HABP4: variants seen among roughly 807,000 people sequenced by gnomAD.
HABP4 encodes the protein intracellular hyaluronan-binding protein 4.
A neutral mutation model predicts 44.1 loss-of-function variants in HABP4; 32 were observed. That is an observed-to-expected ratio of 0.73 (90% CI 0.55 to 0.97). The LOEUF is 0.97. Among genes scored for constraint, HABP4 ranks in the 50% least tolerant of loss-of-function variants. HABP4 has a pLI of 0.00. For missense variants in HABP4, 503 were observed against 561.9 expected (o/e 0.90, Z 1.06); for synonymous variants, 216 against 218.0 (o/e 0.99, Z 0.08).
chr9:96,456,780 A>AAAAAAAAAT (rs1554724388), intron 1 of HABP4, among the ~76,000 whole-genome samples: 3 of 44,772 alleles, frequency 6.7e-5, no homozygotes, highest in African/African-American at 2.7e-4. Context: ...AAAAAAAAAA[A>AAAAAAAAAT]ATATATATAT....
chr9:96,453,887 A>G (rs1832329216), intron 1 of HABP4, among the ~76,000 whole-genome samples: 1 of 152,160 alleles, frequency 6.6e-6, no homozygotes, highest in Non-Finnish European at 1.5e-5. Flanking sequence ...TGTGGGGAAA[A>G]AATTGGATGC....
At chr9:96,462,129 T>C (rs1282914252) in intron 2 of HABP4, among the ~76,000 whole-genome samples, 3 of 130,660 alleles carry the variant, frequency 2.3e-5, no homozygotes, top group Non-Finnish European at 4.8e-5. Flanking sequence ...CTGTGTGACA[T>C]AGTGAGATTC....
intron 4 of HABP4, among the ~76,000 whole-genome samples, chr9:96,469,419 T>C (rs1236077775): frequency 6.6e-6 from 1 of 152,232 alleles, no homozygotes; most frequent in Admixed American, 6.5e-5. Flanking sequence ...CATCATTTTA[T>C]GGAACATATG....
Position 96,471,042 on chromosome 9 carries a change from C to T in HABP4, c.775C>T (p.Pro259Ser), listed in dbSNP as rs755718076. The change falls in exon 5 of 8, where the codon CCC becomes TCC. Residue 259 changes from proline to serine, a missense_variant. This residue lies in a region of HABP4 where 131 missense variants were observed against 189.8 expected (regional missense o/e 0.69). Transcript: ENST00000375249. ...DVEPTAPMEE[P>S]TVVEESQGTP... ...GGAGCCAACTGCACCGATGGAGGAA[C>T]CCACAGTGGTGGAGGAGTCCCAGGG... is the stretch of plus-strand genomic sequence containing the variant. 9.9e-6 allele frequency: 16 copies of T among 1,608,794 alleles called. 1 individual carries two copies. The highest frequency in any genetic ancestry group is 1.6e-4 in the Middle Eastern group (1 of 6,074).
chr9:96,464,954 T>C (rs1467837246), intron 2 of HABP4, among the ~76,000 whole-genome samples: 2 of 152,192 alleles, frequency 1.3e-5, no homozygotes, highest in African/African-American at 4.8e-5. Context: ...TTTATCAACA[T>C]TCTCATTTTT....
In HABP4 at chr9:96,488,961, GC is replaced by G. The variant is rs1483497227; in HGVS notation, c.1185+688del. 6.6e-6 allele frequency among the ~76,000 whole-genome samples: 1 copy of G among 152,190 alleles called. No homozygotes were observed. Among genetic ancestry groups the G allele is most frequent in the East Asian group, 1.9e-4 (1 of 5,164 alleles). ...CTGCTTTTGCTCATTACCGGTTTAC[GC>G]AGTGCCACGCAGTGCCTGGCATGTA... is the stretch of plus-strand genomic sequence containing the variant. On this transcript the variant is annotated intron_variant, in intron 7 of 7. Transcript: ENST00000375249. The surrounding 1 kb of genome is among the most constrained non-coding windows in gnomAD (Gnocchi z 4.6).
intron 1 of HABP4, 103 bp from the exon 2 acceptor site, chr9:96,458,276 G>C (rs1275149385): frequency 1.7e-6 from 2 of 1,200,556 alleles, no homozygotes; most frequent in African/African-American, 3.0e-5. Context: ...CTCCTATGAC[G>C]TTGATTTCTA....
intron 5 of HABP4, among the ~76,000 whole-genome samples, chr9:96,480,657 C>G (rs767654708): frequency 3.6e-4 from 55 of 152,324 alleles, no homozygotes; most frequent in South Asian, 6.2e-4. Flanking sequence ...CATCTGTACA[C>G]TTCCCCCTAA....
At chr9:96,474,517 C>G (rs1438769653) in intron 5 of HABP4, among the ~76,000 whole-genome samples, 1 of 152,052 alleles carries the variant, frequency 6.6e-6, no homozygotes, top group Non-Finnish European at 1.5e-5. Context: ...CTGCAGTATC[C>G]CAGGAGAGCT....
chr9:96,479,895 G>T (rs779867724), intron 5 of HABP4, among the ~76,000 whole-genome samples: 6 of 152,182 alleles, frequency 3.9e-5, no homozygotes, highest in Non-Finnish European at 7.3e-5. Context: ...GCCGGGTGCG[G>T]TGGCTCATGC....
chr9:96,487,573 T>C lies in HABP4; in HGVS notation c.1000-516T>C, dbSNP rs57038350. 1.9e-3 allele frequency among the ~76,000 whole-genome samples: 294 copies of C among 152,326 alleles called. 1 individual carries two copies. Among genetic ancestry groups the C allele is most frequent in the African/African-American group, 6.7e-3 (277 of 41,570 alleles). Reference sequence around the variant, plus strand: ...ATCATGTGATTTTTAGCACATGGTATTATAATCAGCACCCATGCTGAAAGG... The same window carrying C: ...ATCATGTGATTTTTAGCACATGGTACTATAATCAGCACCCATGCTGAAAGG... On this transcript the variant is annotated intron_variant, in intron 6 of 7. Coordinates refer to ENST00000375249, the MANE Select transcript of HABP4 (RefSeq NM_014282.4).
Position 96,488,231 on chromosome 9 carries a change from G to C in HABP4, c.1142G>C (p.Arg381Thr). The part of the protein sequence containing the change: ...ARGGTRGGRG[R>T]IRRAENYGPR... ...GGAGGCACCCGGGGAGGCCGGGGAA[G>C]GATCAGGAGGGCAGAGAACTATGGA... The change falls in exon 7 of 8, where the codon AGG (arginine) becomes ACG (threonine). Residue 381 changes from arginine to threonine, a missense_variant. Physicochemically the swap from Arg to Thr is moderately conservative, Grantham distance 71. This residue lies in a region of HABP4 where 82 missense variants were observed against 71.6 expected (regional missense o/e 1.15). Transcript: ENST00000375249. The surrounding 1 kb of genome is among the most constrained non-coding windows in gnomAD (Gnocchi z 4.6). The C allele has an allele frequency of 2.5e-6, 4 of 1,613,878 alleles. No homozygotes were observed. The highest frequency in any genetic ancestry group is 3.4e-6 in the Non-Finnish European group (4 of 1,179,836).
At chr9:96,479,356 T>TA (rs1212128882) in intron 5 of HABP4, among the ~76,000 whole-genome samples, 3 of 137,212 alleles carry the variant, frequency 2.2e-5, no homozygotes, top group African/African-American at 3.3e-5. Flanking sequence ...TCATTTGAAA[T>TA]AGTTCTCTTG....
chr9:96,490,201 C>CCAGAG lies in HABP4; in HGVS notation c.*164_*168dup. Reference sequence around the variant, plus strand: ...GGGCTGAGCTGTTAGAGGGGCTTCTCCAGAGGCTCGAGAGCAGGCCATTTC... The same window carrying CCAGAG: ...GGGCTGAGCTGTTAGAGGGGCTTCTCCAGAGCAGAGGCTCGAGAGCAGGCCATTTC... On this transcript the variant is annotated 3_prime_UTR_variant, in exon 8 of 8. Coordinates refer to ENST00000375249, the MANE Select transcript of HABP4 (RefSeq NM_014282.4). The CCAGAG allele has an allele frequency of 1.6e-6, 1 of 610,416 alleles. No individual in the cohort carries two copies. Among genetic ancestry groups the CCAGAG allele is most frequent in the Non-Finnish European group, 2.9e-6 (1 of 339,442 alleles). The allele number at this position is 610,416 out of a possible 1,614,324, so 37.8% of individuals were successfully genotyped here.
At chr9:96,469,608 C>T (rs1020360350) in intron 4 of HABP4, among the ~76,000 whole-genome samples, 19 of 151,952 alleles carry the variant, frequency 1.3e-4, no homozygotes, top group Admixed American at 5.2e-4. Context: ...CTGCAACCTC[C>T]GCCTCCCGGG....
At position 96,465,478 on chromosome 9, in the gene HABP4, A is replaced by T. The variant is rs1190484299; in HGVS notation, c.654A>T (p.Arg218Ser). Residue 218 changes from arginine (R) to serine (S), a missense_variant, in exon 3 of 8, where the codon AGA becomes AGT. Around this residue, in one of 3 missense-constraint regions of HABP4, gnomAD observed 131 missense variants for 189.8 expected, o/e 0.69. Transcript: ENST00000375249. ...FDQRGKREFE[R>S]YGGNDKIAVR... ...AGAGAGGAAAGCGAGAATTTGAAAG[A>T]TATGGTGGGAATGACAAAATGTAAG... The T allele has an allele frequency of 6.2e-7, 1 of 1,611,608 alleles. No individual in the cohort carries two copies. The highest frequency in any genetic ancestry group is 1.3e-5 in the African/African-American group (1 of 74,898).
At chr9:96,484,274 C>CA in intron 5 of HABP4, 188 bp from the exon 6 acceptor site, 1 of 511,958 alleles carries the variant, frequency 2.0e-6, no homozygotes, top group Non-Finnish European at 3.4e-6. Flanking sequence ...CTTCTGTTGG[C>CA]AGTGATGACA....
rs1277639201 is a variant in HABP4, at chr9:96,450,431, A to C, written c.152A>C (p.Gln51Pro). The C allele has an allele frequency of 8.9e-6, 12 of 1,348,716 alleles. No homozygotes were observed. The highest frequency in any genetic ancestry group is 1.1e-5 in the Non-Finnish European group (11 of 1,033,436). 83.5% of individuals were successfully genotyped at this position (1,348,716 alleles called of 1,614,324 possible). A position where few individuals can be genotyped will look rare whatever the true frequency, so the allele number is the denominator to read the frequency against. Residue 51 changes from glutamine to proline, a missense_variant, in exon 1 of 8, where the codon CAG becomes CCG. By Grantham distance (76) the Gln-to-Pro change is moderately conservative. This residue lies in a region of HABP4 where 290 missense variants were observed against 300.5 expected (regional missense o/e 0.97). Coordinates refer to ENST00000375249, the MANE Select transcript of HABP4 (RefSeq NM_014282.4). The surrounding 1 kb of genome is among the most constrained non-coding windows in gnomAD (Gnocchi z 4.8). ...ILREAERRRQ[Q>P]QLQRKRRDEA... ...CGCGAGGCCGAGCGCCGGCGCCAGC[A>C]GCAGCTGCAGCGCAAGAGGCGCGAC...
At chr9:96,465,191 C>T (rs565254532) in intron 2 of HABP4, 146 bp from the exon 3 acceptor site, 22 of 647,002 alleles carry the variant, frequency 3.4e-5, no homozygotes, top group Middle Eastern at 4.2e-4. Flanking sequence ...CTATAGTATG[C>T]GCTCACTAAA....
Sources: gnomAD v4.1 joint callset for allele counts (sites outside exome capture counted in the v4.1 genomes callset) on GRCh38, gnomAD v4.1.1 for gene constraint, gnomAD v4.1.1 regional missense constraint, Gnocchi (gnomAD v3.1) non-coding constraint, MANE v1.5 for transcripts, NCBI Gene and HGNC (gene_info 2026-07-23, HGNC 2026-07-21) for gene names.